Variants in CRACD observed in about 807,000 individuals in gnomAD.
The protein encoded by CRACD is capping protein inhibiting regulator of actin dynamics, also known as capping protein-inhibiting regulator of actin dynamics.
A neutral mutation model predicts 106.8 loss-of-function variants in CRACD; 56 were observed. The observed-to-expected ratio is 0.52, with a 90% CI of 0.42 to 0.66. The LOEUF is 0.66. CRACD is among the 30% of genes least tolerant of loss of function. CRACD has a pLI of 0.00. For missense variants in CRACD, 1,730 were observed against 1,623.2 expected (o/e 1.07, Z -1.13); for synonymous variants, 754 against 670.8 (o/e 1.12, Z -1.92).
At chr4:56,180,180 C>T (rs1007153663) in intron 2 of CRACD, among the ~76,000 whole-genome samples, 3 of 151,982 alleles carry the variant, frequency 2.0e-5, no homozygotes, top group Non-Finnish European at 4.4e-5. Context: ...CATTCCTCAT[C>T]TGCCTCCCCT....
At chr4:56,190,185 T>C (rs1473245231) in intron 2 of CRACD, among the ~76,000 whole-genome samples, 1 of 151,814 alleles carries the variant, frequency 6.6e-6, no homozygotes, top group African/African-American at 2.4e-5. Flanking sequence ...TTCCATGGTG[T>C]ATATGTGCCA....
intron 2 of CRACD, among the ~76,000 whole-genome samples, chr4:56,267,763 T>C (rs182801557): frequency 7.9e-5 from 12 of 152,340 alleles, no homozygotes; most frequent in Admixed American, 7.8e-4. Flanking sequence ...ACTTGGACTT[T>C]GTTCCATTTT....
intron 2 of CRACD, among the ~76,000 whole-genome samples, chr4:56,188,684 T>TCACACACACA (rs755350704): frequency 2.0e-5 from 2 of 99,812 alleles, no homozygotes; most frequent in African/African-American, 1.0e-4. Flanking sequence ...TCTCTCTCTC[T>TCACACACACA]CTCACACACA....
At chr4:56,242,175 G>T (rs944624385) in intron 2 of CRACD, among the ~76,000 whole-genome samples, 2 of 152,058 alleles carry the variant, frequency 1.3e-5, no homozygotes, top group Non-Finnish European at 1.5e-5. Context: ...CTTCACAATC[G>T]CAAGTCTTGA....
chr4:56,159,886 A>G (rs1735891099), intron 1 of CRACD, among the ~76,000 whole-genome samples: 1 of 151,774 alleles, frequency 6.6e-6, no homozygotes, highest in East Asian at 2.0e-4. Context: ...GGTTCAAACG[A>G]TTCTCCTGCC....
chr4:56,310,976 T>C, intron 6 of CRACD: 1 of 498,396 alleles, frequency 2.0e-6, no homozygotes, highest in Non-Finnish European at 3.6e-6. Context: ...ATGCCTGTGT[T>C]TGGGGTCCTA....
intron 1 of CRACD, among the ~76,000 whole-genome samples, chr4:56,087,547 T>G (rs780502690): frequency 2.0e-5 from 3 of 152,144 alleles, no homozygotes; most frequent in Non-Finnish European, 4.4e-5. Flanking sequence ...TCTGAAACCT[T>G]CTTCTTCCAT....
intron 4 of CRACD, among the ~76,000 whole-genome samples, chr4:56,306,973 T>C (rs1042816790): frequency 5.9e-5 from 9 of 152,222 alleles, no homozygotes; most frequent in Admixed American, 5.9e-4. Flanking sequence ...CGACCCAGTG[T>C]GGCAGAATGC....
intron 4 of CRACD, among the ~76,000 whole-genome samples, 162 bp from the exon 5 acceptor site, chr4:56,307,373 T>G (rs35271274): frequency 6.6e-6 from 1 of 152,156 alleles, no homozygotes; most frequent in Non-Finnish European, 1.5e-5. Flanking sequence ...CAAATTAACT[T>G]ATTACAGGAT....
Position 56,316,510 on chromosome 4 carries a change from C to T in CRACD, c.3008C>T (p.Pro1003Leu), listed in dbSNP as rs1344458249. Residue 1003 changes from proline (P) to leucine (L), a missense_variant, in exon 8 of 11, where the codon CCG becomes CTG. Pro to Leu is a moderately conservative substitution (Grantham distance 98). This residue lies in a region of CRACD where 1,620 missense variants were observed against 1,481.6 expected (regional missense o/e 1.09). Coordinates refer to ENST00000682029, the MANE Select transcript of CRACD (RefSeq NM_001393381.1). ...AGRPDPEPSE[P>L]SKEDQESSDR... ...AGGCCGGACCCAGAGCCAAGTGAGC[C>T]GTCCAAGGAGGACCAGGAGAGCAGT... The T allele has an allele frequency of 5.6e-6, 9 of 1,613,572 alleles. No individual in the cohort carries two copies. Among genetic ancestry groups the T allele is most frequent in the Admixed American group, 3.3e-5 (2 of 59,968 alleles).
chr4:56,289,765 C>A (rs1743599146), intron 3 of CRACD, among the ~76,000 whole-genome samples: 1 of 152,070 alleles, frequency 6.6e-6, no homozygotes, highest in African/African-American at 2.4e-5. Context: ...GAACTGGAAC[C>A]CTCTTAATGC....
intron 1 of CRACD, chr4:56,097,436 G>A (rs773406838): frequency 6.5e-6 from 1 of 152,790 alleles, no homozygotes; most frequent in Non-Finnish European, 1.5e-5. Flanking sequence ...GTCTGATCTC[G>A]GAAGCTAAGC....
At chr4:56,305,651 C>G (rs1269350205) in intron 4 of CRACD, among the ~76,000 whole-genome samples, 6 of 152,226 alleles carry the variant, frequency 3.9e-5, no homozygotes, top group Non-Finnish European at 2.9e-5. Flanking sequence ...CTGAACTTGG[C>G]TTTTCATGTG....
chr4:56,289,452 G>A (rs28420510), intron 3 of CRACD, among the ~76,000 whole-genome samples: 3,226 of 152,070 alleles, frequency 0.021, 102 homozygotes, highest in African/African-American at 0.074. Context: ...CAGGAGGATC[G>A]CTTGAGCCCA....
Position 56,298,242 on chromosome 4 carries a change from G to C in CRACD, c.13G>C (p.Ala5Pro), listed in dbSNP as rs1476041924. The change falls in exon 4 of 11, where the codon GCA (alanine) becomes CCA (proline). Residue 5 changes from alanine (A) to proline (P), a missense_variant. Transcript: ENST00000682029. MGTR[A>P]FSHDSIFIPD... ...CTTCAACTATTCTATGGGAACCCGG[G>C]CATTTTCCCATGACAGTATTTTTAT... 1.2e-6 allele frequency: 2 copies of C among 1,613,930 alleles called. No individual in the cohort carries two copies. The highest frequency in any genetic ancestry group is 2.7e-5 in the African/African-American group (2 of 74,936).
At chr4:56,223,951 G>T (rs1366508536) in intron 2 of CRACD, among the ~76,000 whole-genome samples, 2 of 151,928 alleles carry the variant, frequency 1.3e-5, no homozygotes, top group Non-Finnish European at 2.9e-5. Context: ...TGGAGACAGG[G>T]TCTTGCTACA....
intron 2 of CRACD, among the ~76,000 whole-genome samples, chr4:56,267,379 C>T (rs1281923790): frequency 2.6e-5 from 4 of 152,156 alleles, no homozygotes; most frequent in Non-Finnish European, 4.4e-5. Context: ...GCCTCAGCCC[C>T]GCAAAGTGCC....
At chr4:56,217,116 AGCACTGGCTGGG>A (rs1245967844) in intron 2 of CRACD, among the ~76,000 whole-genome samples, 2 of 151,982 alleles carry the variant, frequency 1.3e-5, no homozygotes, top group Admixed American at 6.6e-5. Flanking sequence ...GATTCCTGGT[AGCACTGGCTGGG>A]GGTCATTGCT....
intron 3 of CRACD, among the ~76,000 whole-genome samples, chr4:56,279,530 G>A (rs528534997): frequency 2.7e-4 from 41 of 152,194 alleles, no homozygotes; most frequent in African/African-American, 9.6e-4. Flanking sequence ...GCAGCCGAAA[G>A]ACACATGAAA....
Sources: allele counts gnomAD v4.1 joint callset (sites outside exome capture counted in the v4.1 genomes callset), GRCh38; gene constraint gnomAD v4.1.1; regional missense constraint gnomAD v4.1.1; transcripts MANE v1.5; gene names NCBI Gene and HGNC (gene_info 2026-07-23, HGNC 2026-07-21).